The following CHUK variants were observed in gnomAD, a reference collection of about 807,000 sequenced individuals.
CHUK encodes inhibitor of nuclear factor kappa-B kinase subunit alpha.
CHUK carries 35 observed loss-of-function variants against 104.8 expected under a neutral mutation model. The ratio of observed to expected loss-of-function variants is 0.33; its 90% CI spans 0.26 to 0.44. The LOEUF is 0.44. Among genes scored for constraint, CHUK ranks in the 20% least tolerant of loss-of-function variants. The pLI, the probability that CHUK is intolerant of heterozygous loss-of-function variation, is 1.00. For synonymous variants in CHUK, 276 were observed against 291.9 expected (o/e 0.95, Z 0.56); for missense variants, 663 against 902.7 (o/e 0.73, Z 3.40).
chr10:100,224,817 C>A (rs1333209814), intron 2 of CHUK, among the ~76,000 whole-genome samples: 2 of 151,006 alleles, frequency 1.3e-5, no homozygotes, highest in African/African-American at 4.9e-5. Context: ...ACCACCTTAA[C>A]CATTTTTAAG....
intron 9 of CHUK, among the ~76,000 whole-genome samples, chr10:100,213,255 T>G (rs1845771260): frequency 6.6e-6 from 1 of 151,910 alleles, no homozygotes; most frequent in African/African-American, 2.4e-5. Context: ...CCAAGACAGG[T>G]AGATCACTTG....
intron 2 of CHUK, among the ~76,000 whole-genome samples, chr10:100,225,575 T>C (rs1053096431): frequency 1.3e-5 from 2 of 152,222 alleles, no homozygotes; most frequent in African/African-American, 4.8e-5. Context: ...TACAAATTAC[T>C]CTTTAAGTCC....
chr10:100,205,951 C>G (rs1845580282), intron 11 of CHUK, among the ~76,000 whole-genome samples: 1 of 151,890 alleles, frequency 6.6e-6, no homozygotes, highest in Non-Finnish European at 1.5e-5. Flanking sequence ...AAAACAAAAA[C>G]AAAAAGACAA....
Position 100,190,959 on chromosome 10 carries a change from T to C in CHUK, c.2118A>G (p.Ser706=), listed in dbSNP as rs1370024229. 3.8e-6 allele frequency: 6 copies of C among 1,599,680 alleles called. No homozygotes were observed. Among genetic ancestry groups the C allele is most frequent in the Non-Finnish European group, 5.1e-6 (6 of 1,166,824 alleles). Residue 706 remains serine, a synonymous_variant, in exon 20 of 21, where the codon TCA becomes TCG. Coordinates refer to ENST00000370397, the MANE Select transcript of CHUK (RefSeq NM_001278.5). ...CVVTPQDGET[S]AQMIEENLNC... ...TCAAATTTTCTTCTATCATTTGTGC[T>C]GAAGTCTCCCTGTGAGATGAAAGAA...
rs1845612134 is a variant in CHUK, at chr10:100,207,346, A to C, written c.1129-14T>G. 1 of 1,177,336 alleles carries C rather than the reference A, an allele frequency of 8.5e-7. No homozygotes were observed. The highest frequency in any genetic ancestry group is 1.3e-6 in the Non-Finnish European group (1 of 783,610). The allele number at this position is 1,177,336 out of a possible 1,614,324, so 72.9% of individuals were successfully genotyped here. ...ATCACAGCCTCTCTGAAAAAGAAAC[A>C]AACAGTTAAAATCCTGTTCAAGGAT... On this transcript the variant is annotated splice_polypyrimidine_tract_variant and intron_variant, in intron 10 of 20. Coordinates refer to ENST00000370397, the MANE Select transcript of CHUK (RefSeq NM_001278.5).
intron 5 of CHUK, among the ~76,000 whole-genome samples, chr10:100,220,318 A>G (rs1045677017): frequency 6.6e-6 from 1 of 152,140 alleles, no homozygotes; most frequent in Admixed American, 6.5e-5. Flanking sequence ...TGAACAAGAC[A>G]GGTGAAGTCT....
At chr10:100,217,746 G>A (rs1024020564) in intron 9 of CHUK, among the ~76,000 whole-genome samples, 4 of 152,104 alleles carry the variant, frequency 2.6e-5, no homozygotes, top group African/African-American at 9.7e-5. Context: ...GCATGGTGGT[G>A]CACACCTTTA....
At chr10:100,224,447 T>TA (rs1348627358) in intron 2 of CHUK, among the ~76,000 whole-genome samples, 1 of 152,166 alleles carries the variant, frequency 6.6e-6, no homozygotes, top group African/African-American at 2.4e-5. Context: ...TATTTTTTAT[T>TA]ATTTATTTAT....
intron 16 of CHUK, chr10:100,195,897 CTG>C (rs1171621423): frequency 5.3e-5 from 8 of 152,224 alleles, no homozygotes; most frequent in African/African-American, 1.9e-4. Context: ...AATGCTATCA[CTG>C]TGTATCTGTG....
In CHUK at chr10:100,222,988, G is replaced by A. The variant is rs550493619; in HGVS notation, c.201-8C>T. ...ACATTGGCATGGTTCAACCTAATAAGAAAGAAAAACATTACAATAAAAAAA... is the reference window on the plus strand; with the variant it reads ...ACATTGGCATGGTTCAACCTAATAAAAAAGAAAAACATTACAATAAAAAAA... On this transcript the variant is annotated splice_polypyrimidine_tract_variant and splice_region_variant and intron_variant, in intron 2 of 20. Transcript: ENST00000370397. 10 of 1,416,596 alleles carry A rather than the reference G, an allele frequency of 7.1e-6. No individual in the cohort carries two copies. In the African/African-American group the frequency reaches 1.3e-4, roughly 18 times the overall value. The allele number at this position is 1,416,596 out of a possible 1,614,324, so 87.8% of individuals were successfully genotyped here.
rs747375856 is a variant in CHUK at position 100,218,149 on chromosome 10, A to G, written c.798-19T>C. 6.2e-7 allele frequency: 1 copy of G among 1,600,064 alleles called. No individual in the cohort carries two copies. The highest frequency in any genetic ancestry group is 8.6e-7 in the Non-Finnish European group (1 of 1,167,290). ...TACTAAACTAGAAAACATACAAAAT[A>G]GGGTGAAAATCAAATCATTATGTTC... On this transcript the variant is annotated intron_variant, in intron 8 of 20. Transcript: ENST00000370397.
At chr10:100,193,697 G>T in intron 18 of CHUK, 1 of 593,814 alleles carries the variant, frequency 1.7e-6, no homozygotes, top group Non-Finnish European at 3.0e-6. Context: ...TGAATAGATG[G>T]TCAATTTCAT....
chr10:100,228,646 C>T (rs1038200876), intron 1 of CHUK, among the ~76,000 whole-genome samples: 1 of 152,186 alleles, frequency 6.6e-6, no homozygotes, highest in African/African-American at 2.4e-5. Flanking sequence ...CAGAGTGAGA[C>T]TCCGTCTCAA....
In CHUK at chr10:100,220,493, A is replaced by T. The variant is rs1845961454; in HGVS notation, c.474+95T>A. On this transcript the variant is annotated intron_variant, in intron 5 of 20. Coordinates refer to ENST00000370397, the MANE Select transcript of CHUK (RefSeq NM_001278.5). ...CTGAAATGGAAAAAGTAAGACTGTT[A>T]TGGGCATACAGCAAAGACACCAAAG... 5.8e-6 allele frequency: 5 copies of T among 859,418 alleles called. No individual in the cohort carries two copies. In the Admixed American group the frequency reaches 8.7e-5, roughly 15 times the overall value. 53.2% of individuals were successfully genotyped at this position (859,418 alleles called of 1,614,324 possible). A position where few individuals can be genotyped will look rare whatever the true frequency, so the allele number is the denominator to read the frequency against.
intron 13 of CHUK, 25 bp downstream of exon 13, chr10:100,204,481 T>C (rs770294746): frequency 6.2e-7 from 1 of 1,606,960 alleles, no homozygotes; most frequent in East Asian, 2.2e-5. Context: ...GATGCTCCTT[T>C]CAAATACATT....
At chr10:100,210,083 A>ATT (rs201890676) in intron 9 of CHUK, among the ~76,000 whole-genome samples, 3 of 130,172 alleles carry the variant, frequency 2.3e-5, no homozygotes, top group African/African-American at 6.8e-5. Context: ...TTATTTATTT[A>ATT]TTTATTTATT....
At chr10:100,213,627 C>G (rs935945575) in intron 9 of CHUK, among the ~76,000 whole-genome samples, 2 of 152,032 alleles carry the variant, frequency 1.3e-5, no homozygotes, top group African/African-American at 4.8e-5. Flanking sequence ...GTTCAAGCAA[C>G]TCTTCTGCCT....
In CHUK at chr10:100,204,868, C is replaced by T. The variant is rs545343583; in HGVS notation, c.1355+208G>A. Among the ~76,000 whole-genome samples the T allele has an allele frequency of 3.9e-5, 6 of 152,196 alleles. No homozygotes were observed. In the East Asian group the frequency reaches 9.7e-4, roughly 25 times the overall value. ...ATAAACAATCTTTTTATACTAGGAC[C>T]GTATGGGAATTATTACCCTCAAGCC... On this transcript the variant is annotated intron_variant, in intron 12 of 20. Coordinates refer to ENST00000370397, the MANE Select transcript of CHUK (RefSeq NM_001278.5).
chr10:100,196,706 A>G (rs545282110), intron 16 of CHUK, among the ~76,000 whole-genome samples: 1 of 152,290 alleles, frequency 6.6e-6, no homozygotes, highest in Admixed American at 6.5e-5. Context: ...TGGATTCTTA[A>G]TGAATGTTTT....
Sources: gnomAD v4.1 joint callset for allele counts (sites outside exome capture counted in the v4.1 genomes callset) on GRCh38, gnomAD v4.1.1 for gene constraint, MANE v1.5 for transcripts, NCBI Gene and HGNC (gene_info 2026-07-23, HGNC 2026-07-21) for gene names.